TAS2R14: variants seen among roughly 807,000 people sequenced by gnomAD.
TAS2R14 encodes taste receptor type 2 member 14.
For synonymous variants in TAS2R14, 131 were observed against 131.0 expected, an observed-to-expected ratio of 1.00 and a Z score of 0.00; for missense variants, 383 against 372.0, an observed-to-expected ratio of 1.03 and a Z score of -0.24.
At chr12:10,938,486 G>T (rs1408495170) in exon 1 of TAS2R14, 1 of 1,614,024 alleles carries the variant, frequency 6.2e-7, no homozygotes, top group Non-Finnish European at 8.5e-7. Flanking sequence ...AGAGAAAATG[G>T]CATAGAGTAG....
At chr12:10,938,790 A>C (rs1950339516) in exon 1 of TAS2R14, 1 of 1,613,358 alleles carries the variant, frequency 6.2e-7, no homozygotes, top group Non-Finnish European at 8.5e-7. Context: ...AAAAACAAGA[A>C]GACCGAAGTC....
exon 1 of TAS2R14, chr12:10,938,097 T>C (rs923237549): frequency 1.6e-5 from 9 of 575,092 alleles, no homozygotes; most frequent in Middle Eastern, 4.5e-4. Flanking sequence ...ATATACATAC[T>C]TTCATATATC....
chr12:10,939,034 C>T (rs146764483), exon 1 of TAS2R14: 183 of 1,613,758 alleles, frequency 1.1e-4, no homozygotes, highest in Non-Finnish European at 1.4e-4. Context: ...TTAACCAAAC[C>T]AGGCTAATTC....
exon 1 of TAS2R14, chr12:10,939,029 C>A: frequency 6.2e-7 from 1 of 1,613,686 alleles, no homozygotes; most frequent in Non-Finnish European, 8.5e-7. Flanking sequence ...GAATATTAAC[C>A]AAACCAGGCT....
rs769320967 is a variant in TAS2R14 at position 10,939,011 on chromosome 12, C to A, written c.197G>T (p.Trp66Leu). 3.8e-5 allele frequency: 62 copies of A among 1,613,352 alleles called. No homozygotes were observed. Among genetic ancestry groups the A allele is most frequent in the Non-Finnish European group, 5.1e-5 (60 of 1,179,830 alleles). Residue 66 changes from tryptophan to leucine, a missense_variant, in exon 1 of 1, where the codon TGG becomes TTG. By Grantham distance (61) the Trp-to-Leu change is moderately conservative. Coordinates refer to ENST00000537503, the Ensembl canonical transcript of TAS2R14. Reference sequence around the variant, plus strand: ...AGCTGGGAAAAACACAGACACACACCAGCTTCCGAATATTAACCAAACCAG... The same window carrying A: ...AGCTGGGAAAAACACAGACACACACAAGCTTCCGAATATTAACCAAACCAG...
At chr12:10,939,243 T>C (rs747859002) in exon 1 of TAS2R14, 1 of 1,233,284 alleles carries the variant, frequency 8.1e-7, no homozygotes, top group Admixed American at 2.4e-5. Context: ...CTAATATCAC[T>C]GCTGAAGACT....
chr12:10,939,013 G>A (rs1329164035), exon 1 of TAS2R14: 2 of 1,613,364 alleles, frequency 1.2e-6, no homozygotes, highest in East Asian at 4.5e-5. Flanking sequence ...ACACACACCA[G>A]CTTCCGAATA....
chr12:10,938,812 C>T (rs1950340324), exon 1 of TAS2R14: 1 of 1,613,386 alleles, frequency 6.2e-7, no homozygotes, highest in Non-Finnish European at 8.5e-7. Flanking sequence ...CAAGAAGCAG[C>T]ACCAAAACCA....
exon 1 of TAS2R14, chr12:10,937,833 C>CA (rs1438175439): frequency 2.0e-5 from 3 of 153,770 alleles, no homozygotes; most frequent in African/African-American, 7.2e-5. Flanking sequence ...AAATATTATA[C>CA]AAAAATTAAA....
At chr12:10,938,151 T>G (rs998497171) in exon 1 of TAS2R14, 2 of 777,072 alleles carry the variant, frequency 2.6e-6, no homozygotes, top group Admixed American at 3.1e-5. Context: ...CAAGCATATC[T>G]TTGTAAAATT....
At chr12:10,938,052 C>T (rs888506133) in exon 1 of TAS2R14, 1 of 453,044 alleles carries the variant, frequency 2.2e-6, no homozygotes, top group African/African-American at 2.0e-5. Context: ...TGTATAAGAA[C>T]TCTTTATAGT....
chr12:10,938,150 C>G lies in TAS2R14; in HGVS notation c.*104G>C, dbSNP rs1378100829. ...TGGATGGTGTTGATTCCAAGCATAT[C>G]TTTGTAAAATTCACAAAGTTATACA... On this transcript the variant is annotated 3_prime_UTR_variant, in exon 1 of 1. Transcript: ENST00000537503. 2.0e-5 allele frequency: 15 copies of G among 768,284 alleles called. No homozygotes were observed. The East Asian group carries it at 3.6e-4, about 18-fold the overall frequency. 47.6% of individuals were successfully genotyped at this position (768,284 alleles called of 1,614,324 possible).
exon 1 of TAS2R14, chr12:10,938,800 C>G: frequency 6.2e-7 from 1 of 1,613,316 alleles, no homozygotes; most frequent in East Asian, 2.2e-5. Context: ...AGACCGAAGT[C>G]ACAAGAAGCA....
exon 1 of TAS2R14, chr12:10,938,230 G>A (rs1950321895): frequency 6.9e-7 from 1 of 1,447,462 alleles, no homozygotes; most frequent in African/African-American, 1.4e-5. Context: ...GAATTTCTTA[G>A]GAGCTATTTT....
chr12:10,938,763 T>A (rs1051248247), exon 1 of TAS2R14: 3 of 1,613,866 alleles, frequency 1.9e-6, no homozygotes, highest in Admixed American at 3.3e-5. Flanking sequence ...ATATGGATGT[T>A]TATCAGTGCA....
At chr12:10,937,691 C>A (rs919414083) in exon 1 of TAS2R14, 1 of 152,138 alleles carries the variant, frequency 6.6e-6, no homozygotes, top group Non-Finnish European at 1.5e-5. Context: ...TCACTATATG[C>A]AGATGATATA....
chr12:10,938,759 A>G, exon 1 of TAS2R14: 1 of 1,613,938 alleles, frequency 6.2e-7, no homozygotes, highest in Non-Finnish European at 8.5e-7. Context: ...ATTTATATGG[A>G]TGTTTATCAG....
exon 1 of TAS2R14, chr12:10,938,500 G>T: frequency 1.9e-6 from 3 of 1,614,042 alleles, no homozygotes; most frequent in Non-Finnish European, 2.5e-6. Context: ...AGAGTAGGAA[G>T]AAAGTGATCA....
At chr12:10,938,138 T>A (rs779988051) in exon 1 of TAS2R14, 13 of 690,390 alleles carry the variant, frequency 1.9e-5, no homozygotes, top group Non-Finnish European at 9.5e-6. Context: ...ATGGTGTTGA[T>A]TCCAAGCATA....
Sources: allele counts gnomAD v4.1 joint callset, GRCh38; gene constraint gnomAD v4.1.1; transcripts MANE v1.5; gene names NCBI Gene and HGNC (gene_info 2026-07-23, HGNC 2026-07-21).